ADGRD1: variants seen among roughly 807,000 people sequenced by gnomAD.
ADGRD1 encodes the protein adhesion G protein-coupled receptor D1.
In ADGRD1, 77 loss-of-function variants were observed where a neutral mutation model predicts 113.4. That is an observed-to-expected ratio of 0.68 (90% CI 0.57 to 0.82). ADGRD1 has a LOEUF of 0.82. Among genes scored for constraint, ADGRD1 ranks in the 40% least tolerant of loss-of-function variants. ADGRD1 has a pLI of 0.00. For missense variants in ADGRD1, 1,036 were observed against 1,139.1 expected, an observed-to-expected ratio of 0.91 and a Z score of 1.30; for synonymous variants, 474 against 475.0, an observed-to-expected ratio of 1.00 and a Z score of 0.03.
At chr12:131,001,083 A>AT (rs903571054) in intron 9 of ADGRD1, among the ~76,000 whole-genome samples, 10 of 150,210 alleles carry the variant, frequency 6.7e-5, no homozygotes, top group African/African-American at 1.5e-4. Context: ...TGTAATATGT[A>AT]TTTTTTTTTT....
chr12:131,087,113 T>G (rs1030983060), intron 15 of ADGRD1, among the ~76,000 whole-genome samples: 2 of 152,170 alleles, frequency 1.3e-5, no homozygotes, highest in East Asian at 3.9e-4. Context: ...ACCATGTTCC[T>G]CAGGCTGGTC....
intron 13 of ADGRD1, among the ~76,000 whole-genome samples, chr12:131,031,147 G>A (rs1029270039): frequency 4.6e-5 from 7 of 152,176 alleles, no homozygotes; most frequent in Non-Finnish European, 7.3e-5. Flanking sequence ...CTCCACTGCC[G>A]GAAGCTCTGC....
chr12:131,123,065 T>G (rs1383763104), intron 20 of ADGRD1, among the ~76,000 whole-genome samples: 1,909 of 136,702 alleles, frequency 0.014, 49 homozygotes, highest in Non-Finnish European at 0.022. Context: ...TTTTTTTTTT[T>G]TTTTTTTTGC....
rs1202884574 is a variant in ADGRD1 at position 131,139,216 on chromosome 12, G to T, written c.2578G>T (p.Asp860Tyr). The change falls in exon 25 of 25, where the codon GAC (aspartate) becomes TAC (tyrosine). Residue 860 changes from aspartate to tyrosine, a missense_variant. By Grantham distance (160) the Asp-to-Tyr change is radical (BLOSUM62 -3). Coordinates refer to ENST00000261654, the MANE Select transcript of ADGRD1 (RefSeq NM_198827.5). ...GMASTKLSPW[D>Y]KSSHSAHRVD... ...GGCCTCCACCAAGCTCAGCCCTTGG[G>T]ACAAGAGCAGCCACTCTGCCCACCG... is the stretch of plus-strand genomic sequence containing the variant. 6.2e-7 allele frequency: 1 copy of T among 1,612,740 alleles called. No individual in the cohort carries two copies.
Position 131,022,211 on chromosome 12 carries a change from C to A in ADGRD1, c.1473+7871C>A, listed in dbSNP as rs1489582832. ...ATGGGATGTGAATGCTCATTGTTGC[C>A]GGTAACGCTCACGTGGATGGCATGA... On this transcript the variant is annotated intron_variant, in intron 13 of 24. Coordinates refer to ENST00000261654, the MANE Select transcript of ADGRD1 (RefSeq NM_198827.5). This position sits in a 1 kb window ranked among gnomAD's most constrained non-coding sequence, Gnocchi z 4.6. Among the ~76,000 whole-genome samples, 1 of 152,026 alleles carries A rather than the reference C, an allele frequency of 6.6e-6. No homozygotes were observed. Among genetic ancestry groups the A allele is most frequent in the African/African-American group, 2.4e-5 (1 of 41,396 alleles).
At chr12:131,138,098 C>T in intron 23 of ADGRD1, 39 bp from the exon 24 acceptor site, 1 of 1,546,140 alleles carries the variant, frequency 6.5e-7, no homozygotes, top group Non-Finnish European at 8.9e-7. Context: ...CTGTTGCAGC[C>T]TCTGAAATTG....
chr12:130,961,644 CAG>C (rs1293517750), intron 2 of ADGRD1, among the ~76,000 whole-genome samples: 1 of 152,164 alleles, frequency 6.6e-6, no homozygotes, highest in African/African-American at 2.4e-5. Flanking sequence ...AAAAATGCCA[CAG>C]AGTGCCTTTT....
intron 13 of ADGRD1, among the ~76,000 whole-genome samples, chr12:131,020,707 A>T (rs947709985): frequency 6.6e-6 from 1 of 152,230 alleles, no homozygotes; most frequent in Non-Finnish European, 1.5e-5. Context: ...AGAAGCCCTC[A>T]GGCTCTGTCC....
chr12:131,134,803 C>A (rs1358322390), intron 21 of ADGRD1, among the ~76,000 whole-genome samples: 1 of 152,236 alleles, frequency 6.6e-6, no homozygotes, highest in African/African-American at 2.4e-5. Context: ...ATCATTCATT[C>A]ATTCATTCAT....
At chr12:130,990,634 C>T in intron 6 of ADGRD1, 1 of 181,988 alleles carries the variant, frequency 5.5e-6, no homozygotes, top group Non-Finnish European at 1.1e-5. Flanking sequence ...CTGTGCTGGC[C>T]CAGCGAGTTG....
chr12:131,091,284 G>A (rs1039981031), intron 15 of ADGRD1, among the ~76,000 whole-genome samples: 3 of 152,174 alleles, frequency 2.0e-5, no homozygotes, highest in Non-Finnish European at 4.4e-5. Flanking sequence ...AAAAGAATCA[G>A]CAAGTAAGAT....
intron 19 of ADGRD1, among the ~76,000 whole-genome samples, chr12:131,118,723 G>C (rs975723612): frequency 6.6e-6 from 1 of 152,188 alleles, no homozygotes; most frequent in African/African-American, 2.4e-5. Flanking sequence ...GTTTCTGCTT[G>C]GAAATGTTTC....
At chr12:131,070,783 A>T (rs1364051248) in intron 13 of ADGRD1, 1 of 518,096 alleles carries the variant, frequency 1.9e-6, no homozygotes, top group Non-Finnish European at 3.9e-6. Flanking sequence ...AGCTGATTGG[A>T]CTGTGGAGTA....
At position 131,003,825 on chromosome 12, in the gene ADGRD1, C is replaced by A. The variant is rs1409450925; in HGVS notation, c.1145-361C>A. Among the ~76,000 whole-genome samples the A allele has an allele frequency of 6.6e-6, 1 of 152,156 alleles. No homozygotes were observed. Among genetic ancestry groups the A allele is most frequent in the Non-Finnish European group, 1.5e-5 (1 of 68,024 alleles). ...GTTAGTTTAGTCGCAGTTTGTTGGCCGTGTTGCCCTCGCCTGCTGCGCTTG... is the reference window on the plus strand; with the variant it reads ...GTTAGTTTAGTCGCAGTTTGTTGGCAGTGTTGCCCTCGCCTGCTGCGCTTG... On this transcript the variant is annotated intron_variant, in intron 10 of 24. Coordinates refer to ENST00000261654, the MANE Select transcript of ADGRD1 (RefSeq NM_198827.5). This position sits in a 1 kb window ranked among gnomAD's most constrained non-coding sequence, Gnocchi z 4.8.
At chr12:131,089,405 C>T (rs559865648) in intron 15 of ADGRD1, among the ~76,000 whole-genome samples, 3 of 152,356 alleles carry the variant, frequency 2.0e-5, no homozygotes, top group South Asian at 2.1e-4. Flanking sequence ...CACTGGCTGC[C>T]GGGAGCCATT....
At chr12:131,061,644 G>A (rs550903119) in intron 13 of ADGRD1, among the ~76,000 whole-genome samples, 49 of 152,268 alleles carry the variant, frequency 3.2e-4, no homozygotes, top group African/African-American at 1.0e-3. Flanking sequence ...GAAATACAGC[G>A]CAATGTCAAA....
chr12:131,046,447 C>T (rs1255587501), intron 13 of ADGRD1, among the ~76,000 whole-genome samples: 2 of 132,768 alleles, frequency 1.5e-5, no homozygotes, highest in Non-Finnish European at 1.6e-5. Flanking sequence ...GTCCTCTCTC[C>T]CTGGTCAGTG....
intron 21 of ADGRD1, among the ~76,000 whole-genome samples, chr12:131,135,788 C>T (rs774013923): frequency 2.6e-5 from 4 of 152,220 alleles, no homozygotes; most frequent in Middle Eastern, 3.2e-3. Context: ...TAGGTGAGCC[C>T]TGGGTGCTAC....
intron 12 of ADGRD1, among the ~76,000 whole-genome samples, chr12:131,007,303 A>G (rs1459578618): frequency 6.6e-6 from 1 of 152,224 alleles, no homozygotes; most frequent in Non-Finnish European, 1.5e-5. Context: ...TCACAGGGTG[A>G]AGGCAGCCAG....
Sources: gnomAD v4.1 joint callset for allele counts (sites outside exome capture counted in the v4.1 genomes callset) on GRCh38, gnomAD v4.1.1 for gene constraint, Gnocchi (gnomAD v3.1) non-coding constraint, MANE v1.5 for transcripts, NCBI Gene and HGNC (gene_info 2026-07-23, HGNC 2026-07-21) for gene names.